ARHGEF7: variants seen among roughly 807,000 people sequenced by gnomAD.
ARHGEF7 encodes Rho guanine nucleotide exchange factor 7.
Under a neutral mutation model 109.8 loss-of-function variants are expected in ARHGEF7, and 33 were observed. The ratio of observed to expected loss-of-function variants is 0.30; its 90% CI spans 0.23 to 0.40. ARHGEF7 has a LOEUF of 0.40. ARHGEF7 is among the 10% of genes least tolerant of loss of function. The pLI is 1.00. For missense variants in ARHGEF7, 938 were observed against 1,098.5 expected, an observed-to-expected ratio of 0.85 and a Z score of 2.07; for synonymous variants, 458 against 424.6, an observed-to-expected ratio of 1.08 and a Z score of -0.97.
intron 10 of ARHGEF7, among the ~76,000 whole-genome samples, chr13:111,274,259 A>G (rs866413817): frequency 6.6e-6 from 1 of 152,252 alleles, no homozygotes; most frequent in African/African-American, 2.4e-5. Context: ...CAATGTGTGC[A>G]TAGGTTATAG....
rs1343329580 is a variant in ARHGEF7 at position 111,134,620 on chromosome 13, A to G, written c.165+18929A>G. On this transcript the variant is annotated intron_variant, in intron 1 of 21. Coordinates refer to ENST00000646102, the MANE Select transcript of ARHGEF7 (RefSeq NM_001354046.2). The stretch of plus-strand genomic sequence containing the variant: ...TGAGAAGTGTCTGTTCATATCCTTC[A>G]CCCACTTTTTGATGGGGTTGTTTGT... Among the ~76,000 whole-genome samples the G allele has an allele frequency of 4.6e-5, 7 of 152,016 alleles. No homozygotes were observed. The East Asian group carries it at 5.8e-4, about 13-fold the overall frequency.
In ARHGEF7 at chr13:111,292,282, G is replaced by T. The variant is rs200724782; in HGVS notation, c.2299G>T (p.Gly767Cys). The T allele has an allele frequency of 6.2e-7, 1 of 1,614,180 alleles. No individual in the cohort carries two copies. The highest frequency in any genetic ancestry group is 2.2e-5 in the East Asian group (1 of 44,884). Residue 767 changes from glycine (G) to cysteine (C), a missense_variant, in exon 19 of 22, where the codon GGT becomes TGT. Physicochemically the swap from Gly to Cys is radical, Grantham distance 159. This residue lies in a region of ARHGEF7 where 166 missense variants were observed against 167.3 expected (regional missense o/e 0.99). Coordinates refer to ENST00000646102, the MANE Select transcript of ARHGEF7 (RefSeq NM_001354046.2). ...ATGGACAGCCCATAGTTACAGAATG[G>T]GTTCTACATCTCGTAAGAGCTGTTG... Reference protein sequence around the residue: ...SIWTAHSYRMGSTSRSRKESA... With the variant: ...SIWTAHSYRMCSTSRSRKESA...
At chr13:111,242,308 A>G (rs1350267316) in intron 6 of ARHGEF7, among the ~76,000 whole-genome samples, 3 of 152,184 alleles carry the variant, frequency 2.0e-5, no homozygotes, top group African/African-American at 7.2e-5. Context: ...TTTACAGTCA[A>G]CAGTAGGCAA....
intron 1 of ARHGEF7, among the ~76,000 whole-genome samples, chr13:111,152,187 T>C (rs1344263292): frequency 2.0e-5 from 3 of 152,176 alleles, no homozygotes; most frequent in Non-Finnish European, 4.4e-5. Flanking sequence ...AAAGAATTAA[T>C]GTCTGACTTG....
intron 5 of ARHGEF7, among the ~76,000 whole-genome samples, chr13:111,222,118 G>GCAACACCCTCACAGACA (rs1236457806): frequency 2.8e-4 from 42 of 152,218 alleles, no homozygotes; most frequent in Admixed American, 9.8e-4. Flanking sequence ...ATCTCCTTTA[G>GCAACACCCTCACAGACA]CAACACCCTC....
rs141008716 is a variant in ARHGEF7 at position 111,146,516 on chromosome 13, A to G, written c.166-7389A>G. The stretch of plus-strand genomic sequence containing the variant: ...GGCTCCTGGGCTGTACTTCAGATCT[A>G]TGCAGAATCAGAATCTCCCTGGGGA... On this transcript the variant is annotated intron_variant, in intron 1 of 21. Coordinates refer to ENST00000646102, the MANE Select transcript of ARHGEF7 (RefSeq NM_001354046.2). Among the ~76,000 whole-genome samples, 1,181 of 152,328 alleles carry G rather than the reference A, an allele frequency of 7.8e-3. 15 individuals carry two copies. The highest frequency in any genetic ancestry group is 0.027 in the African/African-American group (1,136 of 41,566).
At chr13:111,225,770 C>T (rs2085127313) in intron 5 of ARHGEF7, among the ~76,000 whole-genome samples, 1 of 152,136 alleles carries the variant, frequency 6.6e-6, no homozygotes, top group South Asian at 2.1e-4. Flanking sequence ...TGTATTCTGA[C>T]TGCCCTACTG....
chr13:111,210,300 A>G (rs2082340694), intron 4 of ARHGEF7, among the ~76,000 whole-genome samples: 1 of 152,236 alleles, frequency 6.6e-6, no homozygotes, highest in African/African-American at 2.4e-5. Context: ...TGTCATTTGC[A>G]TGGCATTATC....
chr13:111,198,714 T>C, intron 2 of ARHGEF7, among the ~76,000 whole-genome samples: 1 of 152,150 alleles, frequency 6.6e-6, no homozygotes, highest in Admixed American at 6.5e-5. Flanking sequence ...AGATTTATTG[T>C]GAAGAGCAAA....
chr13:111,137,552 T>C (rs768120144), intron 1 of ARHGEF7, among the ~76,000 whole-genome samples: 8 of 152,186 alleles, frequency 5.3e-5, no homozygotes, highest in Non-Finnish European at 8.8e-5. Context: ...CGAGTGCTGC[T>C]TCCTCATGGG....
At chr13:111,215,055 T>G (rs2082950064) in intron 4 of ARHGEF7, among the ~76,000 whole-genome samples, 1 of 152,164 alleles carries the variant, frequency 6.6e-6, no homozygotes, top group African/African-American at 2.4e-5. Flanking sequence ...ACTTTTAATT[T>G]TTTTCCACTA....
At chr13:111,180,069 G>A (rs1566729246) in intron 2 of ARHGEF7, among the ~76,000 whole-genome samples, 2 of 152,188 alleles carry the variant, frequency 1.3e-5, no homozygotes, top group Non-Finnish European at 2.9e-5. Context: ...ATTACTTCCT[G>A]TTATGGTGGT....
chr13:111,170,254 T>A (rs1242500507), intron 2 of ARHGEF7, among the ~76,000 whole-genome samples: 1 of 148,382 alleles, frequency 6.7e-6, no homozygotes, highest in East Asian at 2.0e-4. Context: ...TGTACCACCA[T>A]GCCTGGCTAA....
chr13:111,217,063 T>C (rs1250174227), intron 4 of ARHGEF7, among the ~76,000 whole-genome samples: 1 of 152,248 alleles, frequency 6.6e-6, no homozygotes, highest in Non-Finnish European at 1.5e-5. Flanking sequence ...TTGGTGTAGT[T>C]TGTAGAAACT....
chr13:111,282,428 A>G (rs1424716859), intron 15 of ARHGEF7, among the ~76,000 whole-genome samples: 2 of 152,232 alleles, frequency 1.3e-5, no homozygotes, highest in Admixed American at 6.5e-5. Context: ...AAATGCATTA[A>G]TGGCACACCG....
intron 8 of ARHGEF7, among the ~76,000 whole-genome samples, chr13:111,261,406 A>G (rs1415299775): frequency 2.0e-5 from 3 of 152,230 alleles, no homozygotes; most frequent in African/African-American, 7.2e-5. Context: ...TCAATTCAGC[A>G]AGAGGATATA....
At chr13:111,302,853 C>T (rs771159889) in intron 21 of ARHGEF7, 138 bp from the exon 22 acceptor site, 263 of 1,094,928 alleles carry the variant, frequency 2.4e-4, no homozygotes, top group Non-Finnish European at 3.1e-4. Flanking sequence ...TGGATCCCCA[C>T]GACCTCAGAG....
In ARHGEF7 at chr13:111,303,245, A is replaced by C; in HGVS notation, c.*132A>C. 2.4e-6 allele frequency: 2 copies of C among 838,304 alleles called. No individual in the cohort carries two copies. Among genetic ancestry groups the C allele is most frequent in the Non-Finnish European group, 3.6e-6 (2 of 561,084 alleles). The allele number at this position is 838,304 out of a possible 1,614,324, so 51.9% of individuals were successfully genotyped here. A position where few individuals can be genotyped will look rare whatever the true frequency, so the allele number is the denominator to read the frequency against. On this transcript the variant is annotated 3_prime_UTR_variant, in exon 22 of 22. Coordinates refer to ENST00000646102, the MANE Select transcript of ARHGEF7 (RefSeq NM_001354046.2). ...CGCCACCTTGCTCTCTGTATATAGAAAAGCTGGAGCTTATTCTGCGAATGG... is the reference window on the plus strand; with the variant it reads ...CGCCACCTTGCTCTCTGTATATAGACAAGCTGGAGCTTATTCTGCGAATGG...
chr13:111,177,984 T>C (rs569542920), intron 2 of ARHGEF7, among the ~76,000 whole-genome samples: 1 of 152,358 alleles, frequency 6.6e-6, no homozygotes, highest in East Asian at 1.9e-4. Flanking sequence ...CTCTTCTCCA[T>C]GCGCAGGGAA....
Sources: allele counts gnomAD v4.1 joint callset (sites outside exome capture counted in the v4.1 genomes callset), GRCh38; gene constraint gnomAD v4.1.1; regional missense constraint gnomAD v4.1.1; transcripts MANE v1.5; gene names NCBI Gene and HGNC (gene_info 2026-07-23, HGNC 2026-07-21).